The following ADD1 variants were observed in gnomAD, a reference collection of about 807,000 sequenced individuals.
ADD1 encodes adducin 1.
A neutral mutation model predicts 80.5 loss-of-function variants in ADD1; 24 were observed. The observed-to-expected ratio is 0.30, with a 90% CI of 0.22 to 0.42. The LOEUF (loss-of-function observed/expected upper bound fraction) is 0.42. Ranked by LOEUF, ADD1 falls within the 10% of genes least tolerant of loss-of-function variation. The pLI is 1.00. For missense variants in ADD1, 948 were observed against 1,019.0 expected, an observed-to-expected ratio of 0.93 and a Z score of 0.95; for synonymous variants, 373 against 393.8, an observed-to-expected ratio of 0.95 and a Z score of 0.63.
chr4:2,921,350 G>A (rs1281229102), intron 14 of ADD1, among the ~76,000 whole-genome samples: 1 of 152,078 alleles, frequency 6.6e-6, no homozygotes. Flanking sequence ...GGATGGTCTC[G>A]ATCTCTTGTC....
chr4:2,882,513 T>A (rs969997460), intron 3 of ADD1, among the ~76,000 whole-genome samples: 1 of 152,234 alleles, frequency 6.6e-6, no homozygotes, highest in Non-Finnish European at 1.5e-5. Context: ...TGTGCAAGAA[T>A]GCAGCTTTGC....
chr4:2,876,877 C>G (rs1731410204), intron 2 of ADD1, among the ~76,000 whole-genome samples: 1 of 151,858 alleles, frequency 6.6e-6, no homozygotes, highest in Non-Finnish European at 1.5e-5. Flanking sequence ...TGGCGCATGC[C>G]TGTAATCCCA....
chr4:2,861,417 A>G (rs1448167008), intron 1 of ADD1, among the ~76,000 whole-genome samples: 2 of 152,336 alleles, frequency 1.3e-5, no homozygotes, highest in Middle Eastern at 3.4e-3. Flanking sequence ...TTTATGGAGA[A>G]TGAATTATTA....
At chr4:2,852,267 TTCC>T (rs1485129361) in intron 1 of ADD1, among the ~76,000 whole-genome samples, 4 of 134,618 alleles carry the variant, frequency 3.0e-5, no homozygotes, top group African/African-American at 1.1e-4. Flanking sequence ...CTTTCCTTCC[TTCC>T]TTCCTTCCTT....
chr4:2,874,432 C>T (rs1050687045), intron 1 of ADD1, among the ~76,000 whole-genome samples: 5 of 151,700 alleles, frequency 3.3e-5, no homozygotes, highest in Admixed American at 6.6e-5. Context: ...CATGGTGAAA[C>T]GCCGTCTCTA....
chr4:2,881,656 T>A (rs972641220), intron 2 of ADD1: 1 of 361,746 alleles, frequency 2.8e-6, no homozygotes, highest in Non-Finnish European at 4.9e-6. Flanking sequence ...CTTGAATGTT[T>A]CCTTAAAATA....
chr4:2,875,175 G>C (rs1731084300), intron 1 of ADD1, among the ~76,000 whole-genome samples: 1 of 152,162 alleles, frequency 6.6e-6, no homozygotes, highest in Non-Finnish European at 1.5e-5. Context: ...GTTGCAGTGA[G>C]CTGTGACTGG....
chr4:2,908,581 G>A lies in ADD1; in HGVS notation c.1675G>A (p.Val559Met), dbSNP rs146536048. ...GPQSQVLCGVVMDRSLVQDAP... is the reference protein window; with the variant it reads ...GPQSQVLCGVMMDRSLVQDAP... ...TCAGTCCCAGGTTTTGTGTGGTGTA[G>A]TGATGGACAGGAGCCTCGTCCAGGT... The change falls in exon 12 of 16, where the codon GTG becomes ATG. Residue 559 changes from valine to methionine, a missense_variant. Physicochemically the swap from Val to Met is conservative, Grantham distance 21. Transcript: ENST00000683351. 3.1e-3 allele frequency: 5,080 copies of A among 1,614,254 alleles called. 22 individuals carry two copies. Among genetic ancestry groups the A allele is most frequent in the African/African-American group, 0.011 (823 of 75,072 alleles).
chr4:2,917,950 G>A (rs756621223), intron 14 of ADD1, among the ~76,000 whole-genome samples: 15 of 152,182 alleles, frequency 9.9e-5, no homozygotes, highest in Non-Finnish European at 2.2e-4. Flanking sequence ...TTGAAGTCAG[G>A]TAGTGTGATG....
At position 2,897,740 on chromosome 4, in the gene ADD1, G is replaced by C. The variant is rs183227201; in HGVS notation, c.742-444G>C. Among the ~76,000 whole-genome samples, 163 of 151,930 alleles carry C rather than the reference G, an allele frequency of 1.1e-3. 1 individual carries two copies. Among genetic ancestry groups the C allele is most frequent in the Admixed American group, 3.4e-3 (52 of 15,228 alleles). On this transcript the variant is annotated intron_variant, in intron 6 of 15. Coordinates refer to ENST00000683351, the MANE Select transcript of ADD1 (RefSeq NM_001354761.2). ...GTCTCACTTTGTTGCCCAGGCTGAC[G>C]TCGAACTTCCAGGCTCAAGTGATCC...
intron 14 of ADD1, among the ~76,000 whole-genome samples, chr4:2,917,064 T>A (rs898206265): frequency 6.6e-6 from 1 of 152,244 alleles, no homozygotes; most frequent in Non-Finnish European, 1.5e-5. Context: ...ACGGGATTGC[T>A]GGGTCAAATG....
intron 4 of ADD1, among the ~76,000 whole-genome samples, chr4:2,889,904 A>C (rs1309963800): frequency 6.6e-6 from 1 of 152,138 alleles, no homozygotes; most frequent in African/African-American, 2.4e-5. Context: ...AGCCAATAGA[A>C]ATTAATATCT....
At chr4:2,922,477 C>T (rs1049886267) in intron 14 of ADD1, among the ~76,000 whole-genome samples, 5 of 152,232 alleles carry the variant, frequency 3.3e-5, no homozygotes, top group African/African-American at 1.2e-4. Flanking sequence ...GGCTGCAGAA[C>T]AGCAAAGATC....
At chr4:2,869,396 C>T (rs1392068603) in intron 1 of ADD1, among the ~76,000 whole-genome samples, 2 of 152,200 alleles carry the variant, frequency 1.3e-5, no homozygotes, top group African/African-American at 4.8e-5. Context: ...TCTCCCTGTG[C>T]GTGTCTCTTT....
At chr4:2,856,706 C>G (rs985410927) in intron 1 of ADD1, among the ~76,000 whole-genome samples, 15 of 148,998 alleles carry the variant, frequency 1.0e-4, no homozygotes, top group African/African-American at 3.5e-4. Context: ...ATTCTCTCGT[C>G]TCAGCCTCCA....
intron 1 of ADD1, among the ~76,000 whole-genome samples, chr4:2,863,721 T>TTTTTG (rs1553820530): frequency 6.6e-6 from 1 of 151,940 alleles, no homozygotes; most frequent in Non-Finnish European, 1.5e-5. Flanking sequence ...ACCTTGTTTT[T>TTTTTG]TTTTGTTTTG....
intron 4 of ADD1, among the ~76,000 whole-genome samples, chr4:2,890,209 G>T (rs904721708): frequency 1.3e-5 from 2 of 148,424 alleles, no homozygotes; most frequent in African/African-American, 5.0e-5. Context: ...AAAAAAAAAA[G>T]AAATAATATC....
At chr4:2,850,942 T>A (rs766027837) in intron 1 of ADD1, among the ~76,000 whole-genome samples, 3 of 152,036 alleles carry the variant, frequency 2.0e-5, no homozygotes, top group Admixed American at 6.6e-5. Flanking sequence ...GAGAATGGAG[T>A]GGGAATGAGG....
At chr4:2,919,522 C>G (rs1327916417) in intron 14 of ADD1, among the ~76,000 whole-genome samples, 1 of 152,120 alleles carries the variant, frequency 6.6e-6, no homozygotes, top group Non-Finnish European at 1.5e-5. Context: ...GAGCTTGTTA[C>G]TGGTCTATTC....
Sources: gnomAD v4.1 joint callset for allele counts (sites outside exome capture counted in the v4.1 genomes callset) on GRCh38, gnomAD v4.1.1 for gene constraint, MANE v1.5 for transcripts, NCBI Gene and HGNC (gene_info 2026-07-23, HGNC 2026-07-21) for gene names.